The following COMMD1 variants were observed in gnomAD, a reference collection of about 807,000 sequenced individuals.
The protein encoded by COMMD1 is COMM domain-containing protein 1.
COMMD1 carries 10 observed loss-of-function variants against 17.2 expected under a neutral mutation model. That is an observed-to-expected ratio of 0.58 (90% CI 0.36 to 0.99). COMMD1 has a LOEUF of 0.99. COMMD1 is among the 50% of genes least tolerant of loss of function. The pLI is 0.01. For synonymous variants in COMMD1, 97 were observed against 91.6 expected (o/e 1.06, Z -0.34); for missense variants, 270 against 231.8 (o/e 1.17, Z -1.07).
At chr2:62,033,789 AT>A (rs1439646581) in intron 2 of COMMD1, among the ~76,000 whole-genome samples, 3 of 152,068 alleles carry the variant, frequency 2.0e-5, no homozygotes, top group Admixed American at 2.0e-4. Context: ...TGTCCTCTAC[AT>A]TTATGATGAA....
At chr2:62,026,971 A>G (rs1669775280) in intron 2 of COMMD1, among the ~76,000 whole-genome samples, 1 of 151,976 alleles carries the variant, frequency 6.6e-6, no homozygotes, top group Non-Finnish European at 1.5e-5. Context: ...TTCTAATTTC[A>G]TATTTTCTCT....
chr2:62,068,253 A>C (rs1009013493), intron 2 of COMMD1, among the ~76,000 whole-genome samples: 9 of 152,358 alleles, frequency 5.9e-5, no homozygotes, highest in African/African-American at 1.9e-4. Context: ...TGAGGGGAGC[A>C]GGAGACCTTG....
Position 62,135,955 on chromosome 2 carries a change from A to C in COMMD1, c.*14A>C. ...CAGCCTAACTGAAGATGATGTATGA[A>C]GGAGTTGGAGTTGTTGAAACCAAGG... On this transcript the variant is annotated 3_prime_UTR_variant, in exon 3 of 3. Coordinates refer to ENST00000311832, the MANE Select transcript of COMMD1 (RefSeq NM_152516.4). 1 of 1,375,768 alleles carries C rather than the reference A, an allele frequency of 7.3e-7. No individual in the cohort carries two copies. Among genetic ancestry groups the C allele is most frequent in the Non-Finnish European group, 1.0e-6 (1 of 962,290 alleles). The allele number at this position is 1,375,768 out of a possible 1,614,324, so 85.2% of individuals were successfully genotyped here.
chr2:61,996,314 A>ATATGTGTGTGTG (rs1491191568), intron 1 of COMMD1, among the ~76,000 whole-genome samples: 24 of 142,314 alleles, frequency 1.7e-4, no homozygotes, highest in African/African-American at 6.4e-4. Flanking sequence ...TGTTTTCTAA[A>ATATGTGTGTGTG]TGTGTGTGTG....
chr2:61,958,603 G>A (rs1426754706), intron 1 of COMMD1, among the ~76,000 whole-genome samples: 6 of 152,078 alleles, frequency 3.9e-5, no homozygotes, highest in Admixed American at 2.6e-4. Context: ...CAGTCATAAT[G>A]TATGAATTAT....
intron 2 of COMMD1, among the ~76,000 whole-genome samples, chr2:62,126,424 A>C (rs926877047): frequency 6.6e-6 from 1 of 152,120 alleles, no homozygotes; most frequent in Admixed American, 6.5e-5. Context: ...CCACAACCTT[A>C]CTAGCATCTG....
chr2:61,888,419 G>A (rs1669311240), upstream of COMMD1: 1 of 1,612,872 alleles, frequency 6.2e-7, no homozygotes, highest in Non-Finnish European at 8.5e-7. Context: ...GATCTGGGCT[G>A]GCTTGTCGCG....
At chr2:62,080,098 TG>T (rs1227594396) in intron 2 of COMMD1, among the ~76,000 whole-genome samples, 1 of 152,150 alleles carries the variant, frequency 6.6e-6, no homozygotes, top group Non-Finnish European at 1.5e-5. Flanking sequence ...TACCTACCTA[TG>T]GTAAGAATCA....
At chr2:61,914,996 C>A (rs1358920742) in intron 1 of COMMD1, among the ~76,000 whole-genome samples, 2 of 96,820 alleles carry the variant, frequency 2.1e-5, no homozygotes, top group Non-Finnish European at 3.8e-5. Flanking sequence ...AAATTCCTTT[C>A]TTTTCTTTCC....
chr2:62,067,150 G>A (rs138514461), intron 2 of COMMD1, among the ~76,000 whole-genome samples: 7,321 of 151,932 alleles, frequency 0.048, 607 homozygotes, highest in African/African-American at 0.17. Context: ...GCTTGAACCC[G>A]GAAGGCGGAG....
intron 2 of COMMD1, among the ~76,000 whole-genome samples, chr2:62,004,111 G>A (rs1403079103): frequency 6.6e-6 from 1 of 152,080 alleles, no homozygotes; most frequent in East Asian, 1.9e-4. Flanking sequence ...CTTGGTGACA[G>A]AGTGAGACTG....
intron 1 of COMMD1, among the ~76,000 whole-genome samples, chr2:61,912,112 A>T (rs752469281): frequency 5.9e-5 from 9 of 152,092 alleles, no homozygotes; most frequent in Non-Finnish European, 1.3e-4. Flanking sequence ...AAATTATATT[A>T]TGTATTTATC....
At chr2:61,974,403 G>T (rs1671735700) in intron 1 of COMMD1, among the ~76,000 whole-genome samples, 1 of 151,650 alleles carries the variant, frequency 6.6e-6, no homozygotes, top group Admixed American at 6.6e-5. Flanking sequence ...GCCGGGCTCG[G>T]TGGCTCACGC....
intron 2 of COMMD1, among the ~76,000 whole-genome samples, chr2:62,116,682 A>G (rs1285244477): frequency 1.4e-5 from 2 of 145,892 alleles, no homozygotes; most frequent in Non-Finnish European, 3.0e-5. Flanking sequence ...ATTACAAAAA[A>G]AAAAAAAAAA....
intron 1 of COMMD1, among the ~76,000 whole-genome samples, chr2:61,973,911 T>C (rs1671717587): frequency 6.6e-6 from 1 of 152,202 alleles, no homozygotes; most frequent in Non-Finnish European, 1.5e-5. Context: ...AAAATTCCCT[T>C]GTGCCTCTTC....
chr2:62,055,239 C>G (rs979696228), intron 2 of COMMD1, among the ~76,000 whole-genome samples: 7 of 152,174 alleles, frequency 4.6e-5, no homozygotes, highest in Non-Finnish European at 8.8e-5. Flanking sequence ...CCATCTGGGC[C>G]TCTTTTCCTG....
intron 2 of COMMD1, among the ~76,000 whole-genome samples, chr2:62,019,047 T>TCCCTCCCTCCCTCTCTCCC (rs1558564707): frequency 3.2e-5 from 1 of 31,046 alleles, no homozygotes; most frequent in African/African-American, 1.6e-4. Flanking sequence ...CCCTCCCTCC[T>TCCCTCCCTCCCTCTCTCCC]TCCTTCCTTT....
chr2:62,029,204 C>T (rs905578165), intron 2 of COMMD1, among the ~76,000 whole-genome samples: 5 of 151,714 alleles, frequency 3.3e-5, no homozygotes, highest in African/African-American at 1.2e-4. Context: ...ATTAGATATC[C>T]AAATCTAATT....
intron 2 of COMMD1, among the ~76,000 whole-genome samples, chr2:62,122,972 T>G (rs1672788412): frequency 6.6e-6 from 1 of 152,204 alleles, no homozygotes; most frequent in South Asian, 2.1e-4. Flanking sequence ...AAATTCAGAC[T>G]TTGGTTTTTA....
Sources: gnomAD v4.1 joint callset for allele counts (sites outside exome capture counted in the v4.1 genomes callset) on GRCh38, gnomAD v4.1.1 for gene constraint, MANE v1.5 for transcripts, NCBI Gene and HGNC (gene_info 2026-07-23, HGNC 2026-07-21) for gene names.